Variants in KLF15 observed in about 807,000 individuals in gnomAD.
KLF15 encodes Krueppel-like factor 15.
Under a neutral mutation model 24.6 loss-of-function variants are expected in KLF15, and 4 were observed. The observed-to-expected ratio is 0.16, with a 90% CI of 0.08 to 0.37. The LOEUF (loss-of-function observed/expected upper bound fraction) is 0.37, where lower values mean the gene tolerates loss of function less well. KLF15 is among the 10% of genes least tolerant of loss of function. KLF15 has a pLI of 1.00. For missense variants in KLF15, 496 were observed against 560.6 expected, an observed-to-expected ratio of 0.88 and a Z score of 1.16; for synonymous variants, 246 against 236.3, an observed-to-expected ratio of 1.04 and a Z score of -0.37.
chr3:126,297,458 CTTT>C, the KLF15 span, among the ~76,000 whole-genome samples: 33 of 152,148 alleles, frequency 2.2e-4, no homozygotes, highest in African/African-American at 7.7e-4. Context: ...CCAGTATATT[CTTT>C]TTTTATTTCA....
At chr3:126,327,514 G>A in the KLF15 span, among the ~76,000 whole-genome samples, 9 of 152,254 alleles carry the variant, frequency 5.9e-5, no homozygotes, top group South Asian at 2.1e-4. Context: ...AGTGGGTGAG[G>A]AGCAGGGTCA....
chr3:126,340,999 C>T (rs2082475768), downstream of KLF15, among the ~76,000 whole-genome samples: 1 of 152,212 alleles, frequency 6.6e-6, no homozygotes, highest in Non-Finnish European at 1.5e-5. Flanking sequence ...GGGCCTTTCA[C>T]ACTGCTCTGC....
At chr3:126,341,164 G>A (rs1292928250), downstream of KLF15, among the ~76,000 whole-genome samples, 2 of 152,156 alleles carry the variant, frequency 1.3e-5, no homozygotes, top group South Asian at 2.1e-4. Flanking sequence ...CACTCATCCC[G>A]GGGAGGTGCA....
chr3:126,313,928 T>C, the KLF15 span, among the ~76,000 whole-genome samples: 1 of 152,242 alleles, frequency 6.6e-6, no homozygotes, highest in African/African-American at 2.4e-5. Flanking sequence ...GTCTACCATC[T>C]GTTTGTGTAA....
chr3:126,355,785 C>T (rs2082625974), intron 1 of KLF15, among the ~76,000 whole-genome samples: 1 of 152,190 alleles, frequency 6.6e-6, no homozygotes, highest in Non-Finnish European at 1.5e-5. Context: ...TGGCCCAGGT[C>T]AGCCAACAGG....
Position 126,343,273 on chromosome 3 carries a change from T to C in KLF15, c.*454A>G, listed in dbSNP as rs2082497280. On this transcript the variant is annotated 3_prime_UTR_variant, in exon 3 of 3. Coordinates refer to ENST00000296233, the MANE Select transcript of KLF15 (RefSeq NM_014079.4). ...ACACCACAGTGCAGCCCTGGACTTC[T>C]GGCCTACTTCCTTCTCCTCCAGCAT... is the stretch of plus-strand genomic sequence containing the variant. 1 of 176,832 alleles carries C rather than the reference T, an allele frequency of 5.7e-6. No individual in the cohort carries two copies. Among genetic ancestry groups the C allele is most frequent in the Non-Finnish European group, 1.2e-5 (1 of 85,352 alleles). The allele number at this position is 176,832 out of a possible 1,614,324, so 11.0% of individuals were successfully genotyped here. A position where few individuals can be genotyped will look rare whatever the true frequency, so the allele number is the denominator to read the frequency against.
the KLF15 span, among the ~76,000 whole-genome samples, chr3:126,304,729 G>T: frequency 1.3e-5 from 2 of 152,210 alleles, no homozygotes; most frequent in Non-Finnish European, 2.9e-5. Flanking sequence ...ATTGCTTCAT[G>T]CAGGAAGAAT....
At chr3:126,302,862 CT>C in the KLF15 span, among the ~76,000 whole-genome samples, 8 of 152,064 alleles carry the variant, frequency 5.3e-5, no homozygotes, top group Admixed American at 5.2e-4. Flanking sequence ...AAATCTCTGT[CT>C]TTTATCTGGA....
the KLF15 span, among the ~76,000 whole-genome samples, chr3:126,291,650 C>G: frequency 6.6e-6 from 1 of 152,250 alleles, no homozygotes; most frequent in African/African-American, 2.4e-5. Context: ...CGGCCTTTGC[C>G]ATTGATGTGT....
chr3:126,355,040 A>G (rs534956143), intron 1 of KLF15, among the ~76,000 whole-genome samples: 16 of 152,340 alleles, frequency 1.1e-4, no homozygotes, highest in African/African-American at 3.8e-4. Flanking sequence ...GGCACGGCAA[A>G]CGTTCGGCCT....
chr3:126,349,714 C>T (rs6796325), intron 2 of KLF15, among the ~76,000 whole-genome samples: 118,701 of 152,164 alleles, frequency 0.78, 46,530 homozygotes, highest in African/African-American at 0.85. Flanking sequence ...TACTTGCCAA[C>T]GGTCGACTAT....
chr3:126,300,616 C>A, the KLF15 span, among the ~76,000 whole-genome samples: 2 of 152,204 alleles, frequency 1.3e-5, no homozygotes, highest in Non-Finnish European at 2.9e-5. Context: ...ACTTGCAGTC[C>A]TCCTGCAACC....
chr3:126,313,869 G>C, the KLF15 span, among the ~76,000 whole-genome samples: 4 of 152,202 alleles, frequency 2.6e-5, no homozygotes, highest in Non-Finnish European at 5.9e-5. Flanking sequence ...AAGTCATCTA[G>C]GGATGTCTTC....
chr3:126,343,579 G>A lies in KLF15; in HGVS notation c.*148C>T, dbSNP rs1013435357. On this transcript the variant is annotated 3_prime_UTR_variant, in exon 3 of 3. Coordinates refer to ENST00000296233, the MANE Select transcript of KLF15 (RefSeq NM_014079.4). ...ACTCCCGAGAAAGGCAGCGGTTGGC[G>A]GGCCCTGGGTTCACACCTCCCAGGC... The A allele has an allele frequency of 1.3e-5, 10 of 761,692 alleles. No individual in the cohort carries two copies. Among genetic ancestry groups the A allele is most frequent in the African/African-American group, 5.4e-5 (3 of 55,354 alleles). The allele number at this position is 761,692 out of a possible 1,614,324, so 47.2% of individuals were successfully genotyped here.
downstream of KLF15, among the ~76,000 whole-genome samples, chr3:126,341,189 G>C (rs141843040): frequency 6.6e-6 from 1 of 152,140 alleles, no homozygotes; most frequent in Admixed American, 6.5e-5. Flanking sequence ...ATGTGTGCAC[G>C]TACACACAAT....
At chr3:126,331,514 G>A in the KLF15 span, among the ~76,000 whole-genome samples, 1 of 152,146 alleles carries the variant, frequency 6.6e-6, no homozygotes, top group Admixed American at 6.5e-5. Flanking sequence ...CTTTTGTAAG[G>A]GAATGTGTTC....
the KLF15 span, among the ~76,000 whole-genome samples, chr3:126,312,611 A>G: frequency 0.13 from 19,150 of 152,202 alleles, 1,347 homozygotes; most frequent in Admixed American, 0.22. Context: ...CTAACACAAG[A>G]ACCCTCCTGC....
At chr3:126,318,583 C>G in the KLF15 span, among the ~76,000 whole-genome samples, 5 of 152,146 alleles carry the variant, frequency 3.3e-5, no homozygotes, top group African/African-American at 1.2e-4. Flanking sequence ...ATACTGTGCT[C>G]TAGGGACGAT....
intron 1 of KLF15, among the ~76,000 whole-genome samples, chr3:126,353,165 C>A (rs1474609175): frequency 6.6e-6 from 1 of 152,236 alleles, no homozygotes; most frequent in Non-Finnish European, 1.5e-5. Flanking sequence ...ATTGCATAAC[C>A]AGGGGCACTT....
Sources: gnomAD v4.1 joint callset for allele counts (sites outside exome capture counted in the v4.1 genomes callset) on GRCh38, gnomAD v4.1.1 for gene constraint, MANE v1.5 for transcripts, NCBI Gene and HGNC (gene_info 2026-07-23, HGNC 2026-07-21) for gene names.